The following GTPBP1 variants were observed in gnomAD, a reference collection of about 807,000 sequenced individuals.
The protein encoded by GTPBP1 is GTP-binding protein 1.
GTPBP1 carries 23 observed loss-of-function variants against 62.0 expected under a neutral mutation model. That is an observed-to-expected ratio of 0.37 (90% CI 0.27 to 0.53). The LOEUF (loss-of-function observed/expected upper bound fraction) is 0.53. Among genes scored for constraint, GTPBP1 ranks in the 20% least tolerant of loss-of-function variants. GTPBP1 has a pLI of 0.89. For synonymous variants in GTPBP1, 344 were observed against 364.4 expected, an observed-to-expected ratio of 0.94 and a Z score of 0.64; for missense variants, 640 against 917.3, an observed-to-expected ratio of 0.70 and a Z score of 3.90.
downstream of GTPBP1, chr22:38,737,642 C>A: frequency 2.9e-6 from 1 of 341,148 alleles, no homozygotes; most frequent in Non-Finnish European, 5.8e-6. This position sits in a 1 kb window ranked among gnomAD's most constrained non-coding sequence, Gnocchi z 4.1. Context: ...TTCCTCACTC[C>A]AGGACTCCCC....
downstream of GTPBP1, chr22:38,738,554 C>T: frequency 6.3e-7 from 1 of 1,597,280 alleles, no homozygotes; most frequent in Non-Finnish European, 8.6e-7. The surrounding 1 kb of genome is among the most constrained non-coding windows in gnomAD (Gnocchi z 6.6). Context: ...CCCCCTGCAG[C>T]CCCTCTGGCC....
intron 2 of GTPBP1, among the ~76,000 whole-genome samples, chr22:38,711,251 T>C (rs1312899333): frequency 6.6e-6 from 1 of 152,202 alleles, no homozygotes; most frequent in Non-Finnish European, 1.5e-5. Context: ...CATTTAAAAT[T>C]GTAACAAATG....
chr22:38,737,858 T>C (rs527242947), downstream of GTPBP1: 64 of 559,736 alleles, frequency 1.1e-4, no homozygotes, highest in Non-Finnish European at 1.4e-4. This position sits in a 1 kb window ranked among gnomAD's most constrained non-coding sequence, Gnocchi z 4.1. Flanking sequence ...TGGCATGTGC[T>C]GGCGGCGGCT....
chr22:38,738,680 G>A, downstream of GTPBP1: 1 of 1,613,906 alleles, frequency 6.2e-7, no homozygotes, highest in Non-Finnish European at 8.5e-7. This position sits in a 1 kb window ranked among gnomAD's most constrained non-coding sequence, Gnocchi z 6.6. Context: ...TGGGGCGGAT[G>A]CGGGCAGAGA....
rs1398602739 is a variant in GTPBP1, at chr22:38,706,133, G to A, written c.178G>A (p.Asp60Asn). The stretch of plus-strand genomic sequence containing the variant: ...GGCGCTCAACGGCGAGCCAGAGCTG[G>A]ACCTCACCAGCAAGGTAGGCCCGGG... The part of the protein sequence containing the change: ...GEALNGEPEL[D>N]LTSKLVLVSP... Residue 60 changes from aspartate to asparagine, a missense_variant, in exon 1 of 12, where the codon GAC becomes AAC. Asp to Asn is a conservative substitution (Grantham distance 23, BLOSUM62 1). Around this residue, in one of 4 missense-constraint regions of GTPBP1, gnomAD observed 215 missense variants for 235.1 expected, o/e 0.91. Coordinates refer to ENST00000216044, the MANE Select transcript of GTPBP1 (RefSeq NM_004286.5). 3 of 1,274,044 alleles carry A rather than the reference G, an allele frequency of 2.4e-6. No individual in the cohort carries two copies. Among genetic ancestry groups the A allele is most frequent in the East Asian group, 6.3e-5 (2 of 31,748 alleles). The allele number at this position is 1,274,044 out of a possible 1,614,324, so 78.9% of individuals were successfully genotyped here.
downstream of GTPBP1, chr22:38,733,729 C>G (rs2092776978): frequency 6.5e-6 from 1 of 153,276 alleles, no homozygotes; most frequent in Non-Finnish European, 1.5e-5. Context: ...CACCCTGGCA[C>G]AGAGAAGGTC....
intron 6 of GTPBP1, 133 bp downstream of exon 6, chr22:38,724,544 CAGAGATCG>C: frequency 4.9e-6 from 3 of 611,410 alleles, no homozygotes; most frequent in Non-Finnish European, 9.0e-6. Flanking sequence ...TCTCCCTATT[CAGAGATCG>C]GAGGAAATAG....
rs370331556 is a variant in GTPBP1 at position 38,726,210 on chromosome 22, G to T, written c.1219-48G>T. The T allele has an allele frequency of 1.2e-6, 2 of 1,610,710 alleles. No individual in the cohort carries two copies. The highest frequency in any genetic ancestry group is 1.7e-6 in the Non-Finnish European group (2 of 1,177,276). ...TTCCTACAGTGGCATCAGGGGGTGG[G>T]TCTGTGCTGGGGATGCACTTATGAG... On this transcript the variant is annotated intron_variant, in intron 7 of 11. Coordinates refer to ENST00000216044, the MANE Select transcript of GTPBP1 (RefSeq NM_004286.5). This position sits in a 1 kb window ranked among gnomAD's most constrained non-coding sequence, Gnocchi z 4.1.
At position 38,716,872 on chromosome 22, in the gene GTPBP1, G is replaced by T; in HGVS notation, c.706G>T (p.Glu236Ter). 1 of 1,614,080 alleles carries T rather than the reference G, an allele frequency of 6.2e-7. No homozygotes were observed. The highest frequency in any genetic ancestry group is 1.1e-5 in the South Asian group (1 of 91,088). ...GCCTGACAGCCACGGCGGCAGCCTG[G>T]AGTGGACCAAGATCTGTGAGAAGTC... ...NKPDSHGGSL[E>*]WTKICEKSTK... is the part of the protein sequence containing the mutation. The change falls in exon 4 of 12, where the codon GAG becomes TAG. Residue 236 changes from glutamate (E) to a stop codon, truncating the protein, a stop_gained. Transcript: ENST00000216044. LOFTEE classifies it high-confidence loss of function. The surrounding 1 kb of genome is among the most constrained non-coding windows in gnomAD (Gnocchi z 5.2).
chr22:38,716,646 A>C lies in GTPBP1; in HGVS notation c.486-6A>C. Reference sequence around the variant, plus strand: ...CACATAGATGTATGGGTTCATCTACACGCAGGGTAGCAGTGGTGGGCAACG... The same window carrying C: ...CACATAGATGTATGGGTTCATCTACCCGCAGGGTAGCAGTGGTGGGCAACG... On this transcript the variant is annotated splice_polypyrimidine_tract_variant and splice_region_variant and intron_variant, in intron 3 of 11. Transcript: ENST00000216044. This position sits in a 1 kb window ranked among gnomAD's most constrained non-coding sequence, Gnocchi z 5.2. 6.2e-7 allele frequency: 1 copy of C among 1,604,190 alleles called. No individual in the cohort carries two copies. Among genetic ancestry groups the C allele is most frequent in the Non-Finnish European group, 8.5e-7 (1 of 1,172,912 alleles).
At chr22:38,706,350 C>T (rs1252729063) in intron 1 of GTPBP1, among the ~76,000 whole-genome samples, 1 of 152,204 alleles carries the variant, frequency 6.6e-6, no homozygotes, top group Non-Finnish European at 1.5e-5. Context: ...CCGCACCCAC[C>T]TTGGCTCCCC....
At chr22:38,739,309 G>A (rs781200998), downstream of GTPBP1, 6 of 1,609,574 alleles carry the variant, frequency 3.7e-6, no homozygotes, top group South Asian at 1.1e-5. The surrounding 1 kb of genome is among the most constrained non-coding windows in gnomAD (Gnocchi z 6.7). Context: ...CGGGGTCCAG[G>A]ACAAGGCAGA....
intron 4 of GTPBP1, among the ~76,000 whole-genome samples, chr22:38,718,920 C>T (rs1245760874): frequency 6.6e-6 from 1 of 152,160 alleles, no homozygotes; most frequent in Non-Finnish European, 1.5e-5. Context: ...ACCATAAATC[C>T]ACCACTTAGA....
In GTPBP1 at chr22:38,730,773, A is replaced by G. The variant is rs961602242; in HGVS notation, c.*69A>G. The G allele has an allele frequency of 1.6e-5, 14 of 862,640 alleles. 1 individual carries two copies. Among genetic ancestry groups the G allele is most frequent in the Admixed American group, 2.6e-5 (1 of 38,504 alleles). 53.4% of individuals were successfully genotyped at this position (862,640 alleles called of 1,614,324 possible). ...CTGGCCACCACTCCACCAGATGGGC[A>G]GAGCAGCTATGACCGCCACCCAGCC... On this transcript the variant is annotated 3_prime_UTR_variant, in exon 12 of 12. Transcript: ENST00000216044. This position sits in a 1 kb window ranked among gnomAD's most constrained non-coding sequence, Gnocchi z 5.6.
At chr22:38,713,055 C>G (rs1355816552) in intron 2 of GTPBP1, among the ~76,000 whole-genome samples, 1 of 152,098 alleles carries the variant, frequency 6.6e-6, no homozygotes, top group Non-Finnish European at 1.5e-5. Context: ...CAAGGCAGTA[C>G]ATTGCAAATG....
intron 6 of GTPBP1, chr22:38,725,139 A>G (rs1333045719): frequency 6.6e-6 from 1 of 152,320 alleles, no homozygotes; most frequent in African/African-American, 2.4e-5. Context: ...CAGTACCATC[A>G]GTTAGCCTGC....
At chr22:38,708,769 T>C in intron 1 of GTPBP1, 76 bp from the exon 2 acceptor site, 1 of 831,964 alleles carries the variant, frequency 1.2e-6, no homozygotes, top group South Asian at 1.3e-5. Flanking sequence ...GATCTTTGGT[T>C]AGGCTATATT....
At position 38,729,682 on chromosome 22, in the gene GTPBP1, A is replaced by T; in HGVS notation, c.1917+20A>T. ...CCTCAGGTGAGCACGGGCCCCTCGC[A>T]GCTTCGGCATGGTGGTGGGGGCTGT... is the stretch of plus-strand genomic sequence containing the variant. On this transcript the variant is annotated intron_variant, in intron 11 of 11. Transcript: ENST00000216044. 1 of 1,447,840 alleles carries T rather than the reference A, an allele frequency of 6.9e-7. No individual in the cohort carries two copies. The highest frequency in any genetic ancestry group is 9.1e-7 in the Non-Finnish European group (1 of 1,097,572). The allele number at this position is 1,447,840 out of a possible 1,614,324, so 89.7% of individuals were successfully genotyped here.
In GTPBP1 at chr22:38,716,297, G is replaced by C; in HGVS notation, c.485+210G>C. ...GAGAGAGGCCAGCCGTGCATTCTGT[G>C]GCCATTCTCTGTGGGTGTGTTTCTT... On this transcript the variant is annotated intron_variant, in intron 3 of 11. Coordinates refer to ENST00000216044, the MANE Select transcript of GTPBP1 (RefSeq NM_004286.5). The surrounding 1 kb of genome is among the most constrained non-coding windows in gnomAD (Gnocchi z 5.2). 1 of 595,502 alleles carries C rather than the reference G, an allele frequency of 1.7e-6. No homozygotes were observed. Among genetic ancestry groups the C allele is most frequent in the Admixed American group, 3.1e-5 (1 of 32,594 alleles). 36.9% of individuals were successfully genotyped at this position (595,502 alleles called of 1,614,324 possible).
Sources: allele counts gnomAD v4.1 joint callset (sites outside exome capture counted in the v4.1 genomes callset), GRCh38; gene constraint gnomAD v4.1.1; regional missense constraint gnomAD v4.1.1; non-coding constraint Gnocchi (gnomAD v3.1); transcripts MANE v1.5; gene names NCBI Gene and HGNC (gene_info 2026-07-23, HGNC 2026-07-21).